Variants in HDAC8 observed in about 807,000 individuals in gnomAD.
HDAC8 encodes the protein histone deacetylase-like 1.
A neutral mutation model predicts 32.2 loss-of-function variants in HDAC8; 1 was observed. The observed-to-expected ratio is 0.03, with a 90% CI of 0.01 to 0.15. The LOEUF is 0.15. Ranked by LOEUF, HDAC8 falls within the 10% of genes least tolerant of loss-of-function variation. The pLI is 1.00. For synonymous variants in HDAC8, 108 were observed against 113.9 expected, an observed-to-expected ratio of 0.95 and a Z score of 0.33; for missense variants, 117 against 300.0, an observed-to-expected ratio of 0.39 and a Z score of 4.51.
chrX:72,534,433 C>T (rs1307348983), intron 4 of HDAC8, among the ~76,000 whole-genome samples: 1 of 108,177 alleles, frequency 9.2e-6, no homozygotes, highest in Admixed American at 1.0e-4. Context: ...CTCAGCCTCC[C>T]GAATAGCTGG....
intron 9 of HDAC8, among the ~76,000 whole-genome samples, chrX:72,359,069 T>C (rs868978150): frequency 9.2e-6 from 1 of 108,277 alleles, no homozygotes; most frequent in African/African-American, 3.4e-5. Context: ...TTTTTTTTTT[T>C]CTTTTTTTTC....
intron 7 of HDAC8, among the ~76,000 whole-genome samples, chrX:72,470,723 T>C (rs1170489254): frequency 8.9e-6 from 1 of 111,815 alleles, no homozygotes; most frequent in African/African-American, 3.3e-5. Flanking sequence ...TCCAAAAGCC[T>C]TTTCTCTGTT....
At chrX:72,447,375 T>A (rs1555985415) in intron 9 of HDAC8, among the ~76,000 whole-genome samples, 1 of 111,900 alleles carries the variant, frequency 8.9e-6, no homozygotes, top group East Asian at 2.8e-4. Flanking sequence ...AGGCCTCTGA[T>A]AAAATTCAAC....
intron 4 of HDAC8, among the ~76,000 whole-genome samples, chrX:72,516,530 C>T (rs147988102): frequency 5.2e-4 from 58 of 111,187 alleles, no homozygotes; most frequent in Non-Finnish European, 9.6e-4. Context: ...TCTGTAAGAA[C>T]CTGCCTGAGT....
intron 9 of HDAC8, among the ~76,000 whole-genome samples, chrX:72,421,103 C>G (rs1555973411): frequency 9.0e-6 from 1 of 111,298 alleles, no homozygotes; most frequent in Non-Finnish European, 1.9e-5. Flanking sequence ...TGGATCTCTT[C>G]TCATTTCCAT....
intron 3 of HDAC8, among the ~76,000 whole-genome samples, chrX:72,568,300 A>G (rs1280523659): frequency 1.8e-5 from 2 of 112,294 alleles, no homozygotes; most frequent in Non-Finnish European, 3.8e-5. Context: ...ACACAGAGCC[A>G]GGCTTGGGAC....
intron 4 of HDAC8, among the ~76,000 whole-genome samples, chrX:72,553,716 A>T (rs1285812392): frequency 8.9e-6 from 1 of 111,969 alleles, no homozygotes; most frequent in Non-Finnish European, 1.9e-5. Flanking sequence ...CCCGCAGATG[A>T]TAAAAGTCAG....
At chrX:72,442,200 C>CCT (rs1320607759) in intron 9 of HDAC8, among the ~76,000 whole-genome samples, 1 of 110,390 alleles carries the variant, frequency 9.1e-6, no homozygotes, top group Admixed American at 9.7e-5. Flanking sequence ...CAAAGATGCT[C>CCT]CTCGAGAAGA....
intron 5 of HDAC8, among the ~76,000 whole-genome samples, chrX:72,493,968 C>T (rs1162377286): frequency 1.8e-5 from 2 of 111,646 alleles, no homozygotes; most frequent in African/African-American, 6.5e-5. Context: ...GGATCACAGG[C>T]ATGAGCGACT....
intron 7 of HDAC8, among the ~76,000 whole-genome samples, chrX:72,473,150 C>T (rs1320493145): frequency 1.8e-5 from 2 of 112,434 alleles, no homozygotes; most frequent in Admixed American, 9.4e-5. Flanking sequence ...AGGCTATGAT[C>T]CAAAGTGCTT....
intron 4 of HDAC8, among the ~76,000 whole-genome samples, chrX:72,524,184 T>C (rs2050067065): frequency 8.9e-6 from 1 of 112,350 alleles, no homozygotes; most frequent in Non-Finnish European, 1.9e-5. Flanking sequence ...TTCTGATCTG[T>C]ATACTGATAA....
intron 10 of HDAC8, among the ~76,000 whole-genome samples, chrX:72,347,924 T>C (rs1468678065): frequency 6.3e-5 from 7 of 111,973 alleles, no homozygotes; most frequent in Admixed American, 1.9e-4. Flanking sequence ...AGAGCTTGAA[T>C]GGACTCTCCA....
intron 7 of HDAC8, chrX:72,467,754 TGAG>T (rs2048060261): frequency 2.6e-6 from 1 of 387,310 alleles, no homozygotes; most frequent in Non-Finnish European, 4.4e-6. Context: ...TGAAGGTTGA[TGAG>T]GGCTTTTGCA....
At chrX:72,434,150 C>T (rs1237577197) in intron 9 of HDAC8, among the ~76,000 whole-genome samples, 1 of 111,921 alleles carries the variant, frequency 8.9e-6, no homozygotes, top group Non-Finnish European at 1.9e-5. Flanking sequence ...CCAGAAATCA[C>T]ACAGGTTTGG....
intron 9 of HDAC8, among the ~76,000 whole-genome samples, chrX:72,390,523 T>A (rs1468057040): frequency 1.8e-5 from 2 of 112,129 alleles, no homozygotes; most frequent in Non-Finnish European, 3.8e-5. Flanking sequence ...GAACCTAGCA[T>A]TGTGCTTGGC....
At chrX:72,370,787 C>G (rs1000165045) in intron 9 of HDAC8, among the ~76,000 whole-genome samples, 2 of 112,261 alleles carry the variant, frequency 1.8e-5, no homozygotes, top group Non-Finnish European at 3.8e-5. Flanking sequence ...CAGGAAGCAT[C>G]CAGCATGAGA....
chrX:72,491,116 C>CAATATAAAACTAACAAGCTGAGG, intron 5 of HDAC8, 110 bp from the exon 6 acceptor site: 1 of 479,698 alleles, frequency 2.1e-6, no homozygotes, highest in Non-Finnish European at 3.7e-6. Context: ...GAGAAGGCAG[C>CAATATAAAACTAACAAGCTGAGG]AATATAAAAC....
intron 9 of HDAC8, among the ~76,000 whole-genome samples, chrX:72,398,631 G>A (rs781976373): frequency 9.1e-6 from 1 of 110,207 alleles, no homozygotes; most frequent in Non-Finnish European, 1.9e-5. Context: ...GAGCCACCAC[G>A]TCTAGCGGGA....
intron 9 of HDAC8, among the ~76,000 whole-genome samples, chrX:72,362,538 T>C (rs1352479614): frequency 4.4e-5 from 5 of 112,550 alleles, no homozygotes; most frequent in African/African-American, 1.6e-4. Flanking sequence ...TGTATTTTGG[T>C]ATTCTTGTTT....
Sources: gnomAD v4.1 joint callset for allele counts (sites outside exome capture counted in the v4.1 genomes callset) on GRCh38, gnomAD v4.1.1 for gene constraint, MANE v1.5 for transcripts, NCBI Gene and HGNC (gene_info 2026-07-23, HGNC 2026-07-21) for gene names.